Variants in LARP1 observed in about 807,000 individuals in gnomAD.
The protein encoded by LARP1 is la-related protein 1.
LARP1 carries 36 observed loss-of-function variants against 122.7 expected under a neutral mutation model. That is an observed-to-expected ratio of 0.29 (90% CI 0.22 to 0.39). The LOEUF (loss-of-function observed/expected upper bound fraction) is 0.39. Ranked by LOEUF, LARP1 falls within the 10% of genes least tolerant of loss-of-function variation. LARP1 has a pLI of 1.00. For synonymous variants in LARP1, 539 were observed against 528.7 expected, an observed-to-expected ratio of 1.02 and a Z score of -0.27; for missense variants, 1,040 against 1,403.6, an observed-to-expected ratio of 0.74 and a Z score of 4.14.
At chr5:154,706,223 G>T in intron 1 of LARP1, among the ~76,000 whole-genome samples, 1 of 151,880 alleles carries the variant, frequency 6.6e-6, no homozygotes, top group East Asian at 1.9e-4. Flanking sequence ...GAACCTGAGA[G>T]GCAGAGGTTG....
At chr5:154,712,824 C>T, upstream of LARP1, 3 of 1,052,876 alleles carry the variant, frequency 2.8e-6, no homozygotes, top group South Asian at 1.5e-5. Context: ...ACTAGCCTGG[C>T]AACCTGGAGA....
chr5:154,736,157 C>T (rs921620922), intron 1 of LARP1, among the ~76,000 whole-genome samples: 8 of 151,116 alleles, frequency 5.3e-5, no homozygotes, highest in African/African-American at 7.3e-5. Flanking sequence ...AGTGCAATGG[C>T]GTGATCTCGG....
At position 154,741,048 on chromosome 5, in the gene LARP1, A is replaced by G. The variant is rs112762886; in HGVS notation, c.205+27918A>G. Among the ~76,000 whole-genome samples the G allele has an allele frequency of 3.5e-3, 540 of 152,268 alleles. 2 individuals are homozygous for G. Among genetic ancestry groups the G allele is most frequent in the African/African-American group, 0.012 (518 of 41,554 alleles). ...TGGCTGTGCATGGATCATCCTGGAAATCTGACAGCATGGTCCCCAGTCCAG... is the reference window on the plus strand; with the variant it reads ...TGGCTGTGCATGGATCATCCTGGAAGTCTGACAGCATGGTCCCCAGTCCAG... On this transcript the variant is annotated intron_variant, in intron 1 of 18. Coordinates refer to the LARP1 transcript ENST00000336314.
At chr5:154,699,306 T>G (rs1754609145) in intron 1 of LARP1, among the ~76,000 whole-genome samples, 1 of 152,086 alleles carries the variant, frequency 6.6e-6, no homozygotes, top group Admixed American at 6.6e-5. Context: ...AAATAAAGAT[T>G]CTTGGGCCCC....
intron 1 of LARP1, among the ~76,000 whole-genome samples, chr5:154,772,568 A>G (rs576330681): frequency 3.2e-4 from 49 of 152,338 alleles, no homozygotes; most frequent in African/African-American, 1.1e-3. Flanking sequence ...TGTAACTGTG[A>G]TAAAGGTTAA....
intron 1 of LARP1, among the ~76,000 whole-genome samples, chr5:154,685,015 G>T (rs999835883): frequency 6.6e-6 from 1 of 152,154 alleles, no homozygotes; most frequent in Non-Finnish European, 1.5e-5. Context: ...TGAGGTGGAG[G>T]TGGGCAGATC....
intron 1 of LARP1, among the ~76,000 whole-genome samples, chr5:154,776,376 A>T (rs115762330): frequency 2.4e-3 from 366 of 152,248 alleles, no homozygotes; most frequent in African/African-American, 8.4e-3. Flanking sequence ...GGCTTCTTGG[A>T]TCACTGTTGG....
chr5:154,713,018 A>G (rs777220985), exon 1 of LARP1: 5 of 1,613,952 alleles, frequency 3.1e-6, no homozygotes, highest in Non-Finnish European at 4.2e-6. Context: ...GCCCTGGCAG[A>G]CTCCCAGGGA....
At chr5:154,811,754 G>T in intron 18 of LARP1, 114 bp downstream of exon 18, 2 of 1,274,784 alleles carry the variant, frequency 1.6e-6, no homozygotes, top group East Asian at 2.4e-5. Flanking sequence ...CCCTCTCCCT[G>T]CTCCCCACAA....
At chr5:154,764,366 C>T (rs1477958413) in intron 1 of LARP1, among the ~76,000 whole-genome samples, 1 of 149,834 alleles carries the variant, frequency 6.7e-6, no homozygotes, top group Non-Finnish European at 1.5e-5. Flanking sequence ...CCAGTCATCC[C>T]AGCACTTTGG....
chr5:154,688,679 A>T (rs1278888190), intron 1 of LARP1, among the ~76,000 whole-genome samples: 3 of 148,972 alleles, frequency 2.0e-5, no homozygotes, highest in African/African-American at 7.5e-5. Flanking sequence ...AAAAAAAATT[A>T]GCTAGGGCTA....
At chr5:154,746,829 C>T (rs537852963) in intron 1 of LARP1, among the ~76,000 whole-genome samples, 2 of 152,124 alleles carry the variant, frequency 1.3e-5, no homozygotes, top group South Asian at 4.2e-4. Context: ...AGTGTCTCTA[C>T]TAAAAAACTG....
intron 1 of LARP1, among the ~76,000 whole-genome samples, chr5:154,704,090 G>T (rs1415987526): frequency 1.3e-5 from 2 of 152,142 alleles, no homozygotes; most frequent in African/African-American, 4.8e-5. Context: ...TAAGCAAATG[G>T]TTGCATGTGC....
At chr5:154,739,011 T>G (rs1479336288) in intron 1 of LARP1, among the ~76,000 whole-genome samples, 1 of 151,674 alleles carries the variant, frequency 6.6e-6, no homozygotes, top group East Asian at 1.9e-4. Context: ...CTGGACAGTT[T>G]TTGTTTGTTT....
At chr5:154,790,039 A>G (rs1468414094) in intron 1 of LARP1, among the ~76,000 whole-genome samples, 1 of 151,990 alleles carries the variant, frequency 6.6e-6, no homozygotes, top group African/African-American at 2.4e-5. Flanking sequence ...ACGGAACTGT[A>G]CTCTCTGAGG....
At chr5:154,764,415 GC>G (rs1358853547) in intron 1 of LARP1, among the ~76,000 whole-genome samples, 1 of 151,488 alleles carries the variant, frequency 6.6e-6, no homozygotes, top group Non-Finnish European at 1.5e-5. Context: ...ACCAGCCTGG[GC>G]AACATAGTGA....
intron 1 of LARP1, among the ~76,000 whole-genome samples, chr5:154,775,226 G>C (rs961604368): frequency 6.6e-6 from 1 of 152,198 alleles, no homozygotes; most frequent in African/African-American, 2.4e-5. Flanking sequence ...TGTGAGTTCA[G>C]GAGCTTGAGG....
chr5:154,689,281 G>A (rs898657610), intron 1 of LARP1, among the ~76,000 whole-genome samples: 6 of 152,116 alleles, frequency 3.9e-5, no homozygotes, highest in East Asian at 1.9e-4. Flanking sequence ...GTGAAACCCC[G>A]TCTCTACCAA....
At chr5:154,769,879 G>A (rs1157598731) in intron 1 of LARP1, among the ~76,000 whole-genome samples, 1 of 152,210 alleles carries the variant, frequency 6.6e-6, no homozygotes, top group African/African-American at 2.4e-5. Context: ...AAGGAGACTG[G>A]TGGTGAACCT....
Sources: allele counts gnomAD v4.1 joint callset (sites outside exome capture counted in the v4.1 genomes callset), GRCh38; gene constraint gnomAD v4.1.1; transcripts MANE v1.5; gene names NCBI Gene and HGNC (gene_info 2026-07-23, HGNC 2026-07-21).